PDE1C: variants seen among roughly 807,000 people sequenced by gnomAD.
PDE1C encodes phosphodiesterase 1C, also known as dual specificity calcium/calmodulin-dependent 3',5'-cyclic nucleotide phosphodiesterase 1C.
PDE1C carries 62 observed loss-of-function variants against 93.1 expected under a neutral mutation model. The ratio of observed to expected loss-of-function variants is 0.67; its 90% CI spans 0.54 to 0.82. PDE1C has a LOEUF of 0.82. PDE1C is among the 40% of genes least tolerant of loss of function. PDE1C has a pLI of 0.00. For missense variants in PDE1C, 742 were observed against 884.6 expected (o/e 0.84, Z 2.04); for synonymous variants, 325 against 310.1 (o/e 1.05, Z -0.50).
chr7:31,684,057 G>A, the PDE1C span, among the ~76,000 whole-genome samples: 2 of 152,168 alleles, frequency 1.3e-5, no homozygotes, highest in Non-Finnish European at 2.9e-5. Context: ...ATATGTGGTT[G>A]TTATTTAGAA....
intron 1 of PDE1C, among the ~76,000 whole-genome samples, chr7:32,251,694 C>A (rs1809394001): frequency 6.6e-6 from 1 of 152,206 alleles, no homozygotes; most frequent in African/African-American, 2.4e-5. Flanking sequence ...TGAATATCAT[C>A]CATGAATAAT....
intron 9 of PDE1C, among the ~76,000 whole-genome samples, chr7:31,838,998 A>C (rs1791471303): frequency 6.7e-6 from 1 of 148,470 alleles, no homozygotes; most frequent in Admixed American, 6.8e-5. Flanking sequence ...TCAAATATTT[A>C]ATATATATTA....
chr7:31,937,342 CTG>C (rs369203477), intron 2 of PDE1C, among the ~76,000 whole-genome samples: 6 of 152,266 alleles, frequency 3.9e-5, no homozygotes, highest in African/African-American at 1.4e-4. Flanking sequence ...TCAGGACCTG[CTG>C]TGTTATGTGG....
intron 1 of PDE1C, among the ~76,000 whole-genome samples, chr7:32,266,707 G>A (rs1810599900): frequency 6.6e-6 from 1 of 152,132 alleles, no homozygotes; most frequent in African/African-American, 2.4e-5. Context: ...GCCTCTCTGA[G>A]GTTCTGGCCC....
intron 16 of PDE1C, among the ~76,000 whole-genome samples, chr7:31,793,989 CAGATAGATAGATAGATAGATAGAT>C (rs60751029): frequency 9.4e-5 from 10 of 106,230 alleles, no homozygotes; most frequent in South Asian, 3.6e-4. Context: ...ATAGATAAAC[CAGATAGATAGATAGATAGATAGAT>C]AGATAGATAG....
chr7:32,266,896 A>C (rs1379094656), intron 1 of PDE1C, among the ~76,000 whole-genome samples: 1 of 42,614 alleles, frequency 2.3e-5, no homozygotes, highest in Non-Finnish European at 4.3e-5. Flanking sequence ...CTGCAAATAA[A>C]GTGGCGGGGG....
chr7:32,426,005 T>C (rs1785523099), intron 1 of PDE1C, among the ~76,000 whole-genome samples: 1 of 152,084 alleles, frequency 6.6e-6, no homozygotes, highest in Non-Finnish European at 1.5e-5. Flanking sequence ...CCTTTCATGG[T>C]TACATATGTT....
upstream of PDE1C, chr7:32,070,434 T>C (rs1795907898): frequency 1.2e-6 from 2 of 1,611,434 alleles, no homozygotes; most frequent in African/African-American, 1.3e-5. Context: ...GCTGAGATAG[T>C]TTGGGCTGTC....
At chr7:32,405,593 C>T (rs1183502464) in intron 1 of PDE1C, among the ~76,000 whole-genome samples, 3 of 152,058 alleles carry the variant, frequency 2.0e-5, no homozygotes, top group Admixed American at 6.5e-5. Flanking sequence ...CTTCTTTTAG[C>T]GTGCTCCTAC....
chr7:32,294,917 A>G (rs1361404107), intron 1 of PDE1C, among the ~76,000 whole-genome samples: 3 of 152,222 alleles, frequency 2.0e-5, no homozygotes, highest in African/African-American at 7.2e-5. Context: ...GAACTCTCAA[A>G]GCATCAAGGC....
chr7:32,300,787 T>C (rs1416523253), upstream of PDE1C, among the ~76,000 whole-genome samples: 3 of 152,228 alleles, frequency 2.0e-5, no homozygotes, highest in Non-Finnish European at 2.9e-5. Flanking sequence ...AATTTTTATA[T>C]GTAACATTTT....
At chr7:31,790,181 T>C in intron 16 of PDE1C, 2 of 1,605,032 alleles carry the variant, frequency 1.2e-6, no homozygotes, top group East Asian at 2.2e-5. Flanking sequence ...AGAAGGAGAA[T>C]GAAGAAGCTC....
chr7:31,705,551 A>G, the PDE1C span, among the ~76,000 whole-genome samples: 3 of 152,202 alleles, frequency 2.0e-5, no homozygotes, highest in Non-Finnish European at 4.4e-5. Context: ...TCCAATAAAT[A>G]CCAGCTAATT....
At chr7:32,108,132 G>C (rs73100659) in intron 3 of PDE1C, among the ~76,000 whole-genome samples, 48,831 of 148,284 alleles carry the variant, frequency 0.33, 8,632 homozygotes, top group South Asian at 0.41. Flanking sequence ...AAATATGGTA[G>C]ACATTAATCC....
chr7:32,155,922 T>C (rs544639936), intron 3 of PDE1C, among the ~76,000 whole-genome samples: 2 of 152,216 alleles, frequency 1.3e-5, no homozygotes, highest in African/African-American at 4.8e-5. Context: ...CCATGGGTCA[T>C]GGGTCAGCAG....
intron 17 of PDE1C, among the ~76,000 whole-genome samples, chr7:31,765,188 A>G (rs1375659340): frequency 6.6e-6 from 1 of 152,190 alleles, no homozygotes; most frequent in African/African-American, 2.4e-5. Context: ...AGCAATTTAA[A>G]TGAGGCTGGA....
At chr7:31,880,662 C>T (rs1422153165) in intron 3 of PDE1C, 85 bp downstream of exon 3, 1 of 769,334 alleles carries the variant, frequency 1.3e-6, no homozygotes, top group Non-Finnish European at 2.2e-6. Context: ...CACCCCATTC[C>T]TGGCATGGGG....
At chr7:31,963,474 T>C (rs1029068174) in intron 2 of PDE1C, among the ~76,000 whole-genome samples, 1 of 152,250 alleles carries the variant, frequency 6.6e-6, no homozygotes, top group Non-Finnish European at 1.5e-5. Context: ...TACAATGTTC[T>C]TCATATAACT....
At chr7:32,259,674 TCTC>T (rs1810057209) in intron 1 of PDE1C, among the ~76,000 whole-genome samples, 1 of 152,122 alleles carries the variant, frequency 6.6e-6, no homozygotes, top group Non-Finnish European at 1.5e-5. Context: ...TTGTATTTGT[TCTC>T]CTCATCCAGC....
Sources: allele counts gnomAD v4.1 joint callset (sites outside exome capture counted in the v4.1 genomes callset), GRCh38; gene constraint gnomAD v4.1.1; transcripts MANE v1.5; gene names NCBI Gene and HGNC (gene_info 2026-07-23, HGNC 2026-07-21).